CFAP299: variants seen among roughly 807,000 people sequenced by gnomAD.
The protein encoded by CFAP299 is cilia- and flagella-associated protein 299.
In CFAP299, 21 loss-of-function variants were observed where a neutral mutation model predicts 27.0. That is an observed-to-expected ratio of 0.78 (90% CI 0.55 to 1.12). CFAP299 has a LOEUF of 1.12. Among genes scored for constraint, CFAP299 ranks in the 50% most tolerant of loss-of-function variants. CFAP299 has a pLI of 0.00. For missense variants in CFAP299, 310 were observed against 276.6 expected, an observed-to-expected ratio of 1.12 and a Z score of -0.86; for synonymous variants, 104 against 98.1, an observed-to-expected ratio of 1.06 and a Z score of -0.36.
chr4:80,749,462 A>G (rs1724811301), intron 3 of CFAP299, among the ~76,000 whole-genome samples: 1 of 152,222 alleles, frequency 6.6e-6, no homozygotes, highest in African/African-American at 2.4e-5. Flanking sequence ...TTTATTTAGG[A>G]AAATTGACTC....
chr4:80,513,728 T>C (rs1219079672), intron 2 of CFAP299, among the ~76,000 whole-genome samples: 1 of 152,096 alleles, frequency 6.6e-6, no homozygotes, highest in African/African-American at 2.4e-5. Flanking sequence ...CATAAAAAAA[T>C]GAATTTAAAT....
intron 3 of CFAP299, among the ~76,000 whole-genome samples, chr4:80,824,523 A>C (rs1343708430): frequency 1.3e-5 from 2 of 152,166 alleles, no homozygotes; most frequent in Non-Finnish European, 2.9e-5. Context: ...TAAGGGATCT[A>C]AAGGGCCAGT....
chr4:80,894,397 A>G (rs911662343), intron 4 of CFAP299, among the ~76,000 whole-genome samples: 1 of 151,982 alleles, frequency 6.6e-6, no homozygotes. Flanking sequence ...TAACCAGTAC[A>G]TCTAATAATT....
At chr4:80,379,223 A>G (rs908881415) in intron 2 of CFAP299, among the ~76,000 whole-genome samples, 1 of 152,080 alleles carries the variant, frequency 6.6e-6, no homozygotes, top group African/African-American at 2.4e-5. Context: ...GCATAAAGTC[A>G]TTCTTAATAT....
intron 3 of CFAP299, among the ~76,000 whole-genome samples, chr4:80,858,112 A>T (rs1229862141): frequency 2.6e-5 from 4 of 152,150 alleles, no homozygotes; most frequent in Admixed American, 6.5e-5. Flanking sequence ...TCAGAGATTC[A>T]ACTTCTTCCT....
chr4:80,667,742 T>C (rs112785587), intron 3 of CFAP299, among the ~76,000 whole-genome samples: 10,318 of 152,252 alleles, frequency 0.068, 783 homozygotes, highest in African/African-American at 0.18. Flanking sequence ...CTTAGGTTGA[T>C]TCTATATTTT....
chr4:80,695,461 T>A (rs1194226919), intron 3 of CFAP299, among the ~76,000 whole-genome samples: 1 of 152,184 alleles, frequency 6.6e-6, no homozygotes, highest in Non-Finnish European at 1.5e-5. Flanking sequence ...GGGACAAAGC[T>A]GTGTCCTACT....
At chr4:80,393,539 A>G (rs751159278) in intron 2 of CFAP299, among the ~76,000 whole-genome samples, 35 of 152,122 alleles carry the variant, frequency 2.3e-4, no homozygotes, top group Middle Eastern at 3.2e-3. Context: ...TTTTTATGCT[A>G]TATTTTTACA....
chr4:80,482,575 G>T (rs1372197876), intron 2 of CFAP299, among the ~76,000 whole-genome samples: 13 of 152,160 alleles, frequency 8.5e-5, no homozygotes. Context: ...TCTCTGGGCA[G>T]AAATTAGAAG....
chr4:80,524,414 G>A (rs1273512880), intron 2 of CFAP299, among the ~76,000 whole-genome samples: 1 of 151,806 alleles, frequency 6.6e-6, no homozygotes, highest in Non-Finnish European at 1.5e-5. Flanking sequence ...ATTACAGGAT[G>A]TTTAGCAGAA....
At chr4:80,326,584 A>G in the CFAP299 span, among the ~76,000 whole-genome samples, 3 of 152,216 alleles carry the variant, frequency 2.0e-5, no homozygotes, top group Non-Finnish European at 4.4e-5. Flanking sequence ...AGAATGGCCA[A>G]TCGCAATAGA....
intron 4 of CFAP299, among the ~76,000 whole-genome samples, chr4:80,924,498 C>T (rs535525579): frequency 7.0e-6 from 1 of 142,528 alleles, no homozygotes; most frequent in South Asian, 2.2e-4. Context: ...AATACATAAT[C>T]GTGTGACAAT....
rs996619829 is a variant in CFAP299 at position 80,465,855 on chromosome 4, G to A, written c.242+102971G>A. Among the ~76,000 whole-genome samples, 6 of 152,178 alleles carry A rather than the reference G, an allele frequency of 3.9e-5. 1 individual carries two copies. The highest frequency in any genetic ancestry group is 6.5e-5 in the Admixed American group (1 of 15,294). On this transcript the variant is annotated intron_variant, in intron 2 of 5. Coordinates refer to ENST00000358105, the MANE Select transcript of CFAP299 (RefSeq NM_152770.3). ...GTGAGCTGGGTTTCTAAAGCAGACG[G>A]TCCCAAAGAAAACAACAAGAAAAGG...
chr4:80,503,680 T>C (rs895021359), intron 2 of CFAP299, among the ~76,000 whole-genome samples: 19 of 152,274 alleles, frequency 1.2e-4, no homozygotes, highest in African/African-American at 4.6e-4. Context: ...TCAGTTGTAT[T>C]AACAGTTGTT....
intron 2 of CFAP299, chr4:80,387,319 G>A: frequency 6.2e-7 from 1 of 1,607,402 alleles, no homozygotes; most frequent in Admixed American, 1.7e-5. Flanking sequence ...GGAACGTTTG[G>A]GCACAGCTTT....
intron 5 of CFAP299, among the ~76,000 whole-genome samples, chr4:80,947,690 C>A (rs191011309): frequency 1.9e-3 from 293 of 152,104 alleles, no homozygotes; most frequent in African/African-American, 6.8e-3. Context: ...CATAAAAAGT[C>A]AATAGTCTAA....
intron 3 of CFAP299, among the ~76,000 whole-genome samples, chr4:80,735,912 C>T (rs1024810910): frequency 2.0e-5 from 3 of 151,824 alleles, no homozygotes; most frequent in African/African-American, 7.3e-5. Context: ...TTTGATGTGT[C>T]TTTTTCTTTT....
intron 3 of CFAP299, among the ~76,000 whole-genome samples, chr4:80,736,166 T>A (rs1723856751): frequency 6.6e-6 from 1 of 152,166 alleles, no homozygotes; most frequent in Non-Finnish European, 1.5e-5. Flanking sequence ...CATGCCTATG[T>A]CCTGAATGGT....
intron 3 of CFAP299, among the ~76,000 whole-genome samples, chr4:80,587,590 GT>G (rs912372787): frequency 6.6e-6 from 1 of 151,960 alleles, no homozygotes; most frequent in Admixed American, 6.6e-5. Flanking sequence ...TTGGTAGGTG[GT>G]TTTTTTTCTT....
Sources: gnomAD v4.1 joint callset for allele counts (sites outside exome capture counted in the v4.1 genomes callset) on GRCh38, gnomAD v4.1.1 for gene constraint, MANE v1.5 for transcripts, NCBI Gene and HGNC (gene_info 2026-07-23, HGNC 2026-07-21) for gene names.